DMXL1: variants seen among roughly 807,000 people sequenced by gnomAD.
DMXL1 encodes the protein Dmx like 1, also known as dmX-like protein 1.
Under a neutral mutation model 319.2 loss-of-function variants are expected in DMXL1, and 99 were observed. The ratio of observed to expected loss-of-function variants is 0.31; its 90% CI spans 0.26 to 0.37. The LOEUF (loss-of-function observed/expected upper bound fraction) is 0.37, where lower values mean the gene tolerates loss of function less well. DMXL1 is among the 10% of genes least tolerant of loss of function. The probability of loss-of-function intolerance (pLI) is 1.00; values close to 1 mark genes in which losing one functional copy is unlikely to be tolerated. For missense variants in DMXL1, 3,745 were observed against 3,595.6 expected (o/e 1.04, Z -1.06); for synonymous variants, 1,385 against 1,235.2 (o/e 1.12, Z -2.54).
At chr5:119,205,052 T>C (rs975043071) in intron 33 of DMXL1, among the ~76,000 whole-genome samples, 1 of 152,170 alleles carries the variant, frequency 6.6e-6, no homozygotes, top group Admixed American at 6.5e-5. Context: ...GGAAATAGTA[T>C]GTAGTGTTCT....
intron 2 of DMXL1, among the ~76,000 whole-genome samples, chr5:119,100,244 A>G (rs1756936026): frequency 6.6e-6 from 1 of 151,722 alleles, no homozygotes; most frequent in Non-Finnish European, 1.5e-5. Flanking sequence ...TTCTGGCCAA[A>G]ATAGAGAAAC....
At position 119,116,222 on chromosome 5, in the gene DMXL1, A is replaced by G; in HGVS notation, c.629A>G (p.Asp210Gly). ...ENWRTAVTSP[D>G]GSSEKQSQGE... ...TGGCGGACAGCTGTTACTTCTCCAG[A>G]TGGAAGTTCAGAAAAACAATCCCAA... Residue 210 changes from aspartate (D) to glycine (G), a missense_variant, in exon 7 of 44, where the codon GAT becomes GGT. Transcript: ENST00000539542. 1.2e-6 allele frequency: 2 copies of G among 1,613,902 alleles called. No homozygotes were observed. The highest frequency in any genetic ancestry group is 1.1e-5 in the South Asian group (1 of 91,064).
In DMXL1 at chr5:119,071,323, T is replaced by A. The variant is rs1202374782; in HGVS notation, c.-247T>A. On this transcript the variant is annotated 5_prime_UTR_variant, in exon 1 of 44. Coordinates refer to ENST00000539542, the MANE Select transcript of DMXL1 (RefSeq NM_001290321.3). ...GCTTCACCTGGGCTAGCGCGGGGAG[T>A]GACAGGTGCGCGAAGGAGCGCGGCG... 1 of 500,060 alleles carries A rather than the reference T, an allele frequency of 2.0e-6. No homozygotes were observed. The highest frequency in any genetic ancestry group is 2.1e-5 in the African/African-American group (1 of 47,708). The allele number at this position is 500,060 out of a possible 1,614,324, so 31.0% of individuals were successfully genotyped here.
Position 119,158,205 on chromosome 5 carries a change from GT to G in DMXL1, c.4702+6187del, listed in dbSNP as rs762291035. Among the ~76,000 whole-genome samples, 1,156 of 128,940 alleles carry G rather than the reference GT, an allele frequency of 9.0e-3. 11 individuals are homozygous for G. The highest frequency in any genetic ancestry group is 0.023 in the African/African-American group (795 of 35,136). 84.6% of individuals were successfully genotyped at this position (128,940 alleles called of 152,430 possible). A position where few individuals can be genotyped will look rare whatever the true frequency, so the allele number is the denominator to read the frequency against. On this transcript the variant is annotated intron_variant, in intron 19 of 43. Transcript: ENST00000539542. ...CCGGCCTGGCCGATATATTTCTAAGGTTTTTTTTTTTTTTTTTTAAGTAGCA... is the reference window on the plus strand; with the variant it reads ...CCGGCCTGGCCGATATATTTCTAAGGTTTTTTTTTTTTTTTTTAAGTAGCA...
chr5:119,137,928 A>AG (rs1348425358), intron 13 of DMXL1, among the ~76,000 whole-genome samples: 4 of 152,184 alleles, frequency 2.6e-5, no homozygotes, highest in Admixed American at 1.3e-4. Flanking sequence ...AAAGTCGGAA[A>AG]GTTAGCCTGG....
intron 30 of DMXL1, among the ~76,000 whole-genome samples, chr5:119,195,935 G>C (rs1321520038): frequency 6.6e-6 from 1 of 151,954 alleles, no homozygotes. Flanking sequence ...ATTAGCTTCT[G>C]GTTTATCCTT....
At chr5:119,097,844 T>G (rs971689635) in intron 1 of DMXL1, 135 bp from the exon 2 acceptor site, 2 of 803,320 alleles carry the variant, frequency 2.5e-6, no homozygotes, top group Non-Finnish European at 3.7e-6. Flanking sequence ...AGATTTTTTT[T>G]TTAAGAAAAC....
chr5:119,151,007 ATCTT>A (rs1403050771), intron 18 of DMXL1, among the ~76,000 whole-genome samples: 3 of 152,164 alleles, frequency 2.0e-5, no homozygotes, highest in Non-Finnish European at 2.9e-5. Context: ...ATCCAACTGA[ATCTT>A]TCTGAGTTTA....
intron 8 of DMXL1, 33 bp from the exon 9 acceptor site, chr5:119,120,938 A>G (rs778632177): frequency 4.5e-6 from 7 of 1,567,068 alleles, no homozygotes; most frequent in South Asian, 1.2e-5. Flanking sequence ...ACTTTTGACA[A>G]TATAGGTATT....
intron 21 of DMXL1, 71 bp downstream of exon 21, chr5:119,165,351 G>A (rs1376764865): frequency 3.2e-5 from 25 of 789,970 alleles, no homozygotes; most frequent in Non-Finnish European, 4.8e-5. Context: ...AATGAATGAA[G>A]TAAGATTTGT....
In DMXL1 at chr5:119,167,833, A is replaced by G. The variant is rs147448300; in HGVS notation, c.5367A>G (p.Thr1789=). ...AAGATTATAGTGGTGCTCTGGAAAC[A>G]TTAATAAAGCAACCTATCAGAGAGA... ...ILEDYSGALE[T]LIKQPIREND... is the part of the protein sequence containing the mutation. Residue 1789 remains threonine (T), a synonymous_variant, in exon 23 of 44, where the codon ACA becomes ACG. Transcript: ENST00000539542. 2.5e-6 allele frequency: 4 copies of G among 1,612,834 alleles called. No homozygotes were observed. The highest frequency in any genetic ancestry group is 1.7e-5 in the Admixed American group (1 of 59,798).
In DMXL1 at chr5:119,101,500, CAG is replaced by C. The variant is rs573897125; in HGVS notation, c.214-434_214-433del. On this transcript the variant is annotated intron_variant, in intron 2 of 43. Coordinates refer to ENST00000539542, the MANE Select transcript of DMXL1 (RefSeq NM_001290321.3). ...AATAGAATATGTTTTAAAATGTACT[CAG>C]GGAGTTTCCAGAGGAATAGACCTAA... 1.8e-4 allele frequency among the ~76,000 whole-genome samples: 27 copies of C among 152,306 alleles called. No individual in the cohort carries two copies. In the East Asian group the frequency reaches 5.2e-3, roughly 29 times the overall value.
chr5:119,098,402 A>G (rs1439720876), intron 2 of DMXL1, among the ~76,000 whole-genome samples: 3 of 152,240 alleles, frequency 2.0e-5, no homozygotes, highest in South Asian at 4.1e-4. Flanking sequence ...AGGAGTAACA[A>G]TGAATCTTCA....
chr5:119,083,858 C>CCTG (rs1752746495), intron 1 of DMXL1, among the ~76,000 whole-genome samples: 1 of 151,988 alleles, frequency 6.6e-6, no homozygotes, highest in Non-Finnish European at 1.5e-5. Context: ...TTTTTGAGAA[C>CCTG]CTGCATACAG....
intron 9 of DMXL1, among the ~76,000 whole-genome samples, chr5:119,122,909 G>A (rs1253291374): frequency 1.3e-5 from 2 of 152,182 alleles, no homozygotes; most frequent in Non-Finnish European, 2.9e-5. Flanking sequence ...GGTGGCGGCC[G>A]GGCAGAGGCT....
Position 119,149,237 on chromosome 5 carries a change from A to G in DMXL1, c.3410A>G (p.Lys1137Arg), listed in dbSNP as rs1243770508. 6.2e-7 allele frequency: 1 copy of G among 1,613,948 alleles called. No homozygotes were observed. Residue 1137 changes from lysine (K) to arginine (R), a missense_variant, in exon 18 of 44, where the codon AAG becomes AGG. This residue lies in a region of DMXL1 where 2,096 missense variants were observed against 1,985.4 expected (regional missense o/e 1.06). Transcript: ENST00000539542. The part of the protein sequence containing the change: ...SSKENITSNT[K>R]HLVHLDWMSR... ...AAAGAGAATATCACATCAAACACAA[A>G]GCATTTAGTTCACTTAGATTGGATG...
intron 25 of DMXL1, among the ~76,000 whole-genome samples, chr5:119,174,353 G>A (rs552900571): frequency 6.6e-6 from 1 of 152,208 alleles, no homozygotes; most frequent in East Asian, 1.9e-4. Context: ...CCTCTTGGTC[G>A]AACAAGTCAA....
chr5:119,105,082 C>T (rs1008249519), intron 3 of DMXL1, 98 bp from the exon 4 acceptor site: 5 of 740,486 alleles, frequency 6.8e-6, no homozygotes, highest in African/African-American at 3.5e-5. Context: ...TTAAAATTGA[C>T]TGCCTGTGTT....
chr5:119,083,986 C>G (rs1404190686), intron 1 of DMXL1, among the ~76,000 whole-genome samples: 2 of 152,166 alleles, frequency 1.3e-5, no homozygotes, highest in African/African-American at 2.4e-5. Flanking sequence ...GCCATTTTAA[C>G]TGGGGTGAGA....
Sources: gnomAD v4.1 joint callset for allele counts (sites outside exome capture counted in the v4.1 genomes callset) on GRCh38, gnomAD v4.1.1 for gene constraint, gnomAD v4.1.1 regional missense constraint, MANE v1.5 for transcripts, NCBI Gene and HGNC (gene_info 2026-07-23, HGNC 2026-07-21) for gene names.